The following CFAP221 variants were observed in gnomAD, a reference collection of about 807,000 sequenced individuals.
CFAP221 encodes cilia- and flagella-associated protein 221.
Under a neutral mutation model 113.1 loss-of-function variants are expected in CFAP221, and 97 were observed. The observed-to-expected ratio is 0.86, with a 90% CI of 0.73 to 1.02. The LOEUF is 1.02. CFAP221 is among the 50% of genes least tolerant of loss of function. The pLI is 0.00. For synonymous variants in CFAP221, 331 were observed against 354.4 expected (o/e 0.93, Z 0.74); for missense variants, 1,025 against 1,013.4 (o/e 1.01, Z -0.16).
At chr2:119,602,993 G>A (rs995837067) in intron 8 of CFAP221, among the ~76,000 whole-genome samples, 1 of 152,088 alleles carries the variant, frequency 6.6e-6, no homozygotes, top group African/African-American at 2.4e-5. Context: ...CAAGGACTAT[G>A]TCTTAAGATC....
chr2:119,628,425 C>T (rs892864124), intron 16 of CFAP221, among the ~76,000 whole-genome samples: 2 of 151,884 alleles, frequency 1.3e-5, no homozygotes, highest in Non-Finnish European at 2.9e-5. Context: ...TGAGAGTTAA[C>T]CCTTAGGTTG....
intron 14 of CFAP221, among the ~76,000 whole-genome samples, chr2:119,620,039 G>T (rs1325346411): frequency 3.3e-5 from 5 of 152,050 alleles, no homozygotes; most frequent in Non-Finnish European, 5.9e-5. Context: ...CAAGATTAGA[G>T]AAAAAAGAAT....
downstream of CFAP221, among the ~76,000 whole-genome samples, chr2:119,658,454 A>G (rs975701882): frequency 7.2e-5 from 11 of 152,004 alleles, no homozygotes; most frequent in Non-Finnish European, 1.3e-4. Flanking sequence ...GGAATCAACC[A>G]TTTCTCCAAG....
At chr2:119,584,423 C>T (rs1301062360) in intron 6 of CFAP221, among the ~76,000 whole-genome samples, 1 of 151,906 alleles carries the variant, frequency 6.6e-6, no homozygotes, top group East Asian at 1.9e-4. Flanking sequence ...CTCATCTCTA[C>T]AAAAAATTTA....
intron 23 of CFAP221, among the ~76,000 whole-genome samples, chr2:119,653,799 T>C (rs1688270362): frequency 1.3e-5 from 2 of 152,348 alleles, no homozygotes; most frequent in South Asian, 4.1e-4. Flanking sequence ...CTGGACAACA[T>C]GGAATAGTGT....
At chr2:119,565,096 G>A (rs1480315975) in intron 6 of CFAP221, among the ~76,000 whole-genome samples, 3 of 152,066 alleles carry the variant, frequency 2.0e-5, no homozygotes, top group East Asian at 1.9e-4. Context: ...TCTTAGCCCC[G>A]TGCTCTTCCA....
intron 14 of CFAP221, among the ~76,000 whole-genome samples, chr2:119,616,839 G>A (rs1350838830): frequency 6.6e-6 from 1 of 152,186 alleles, no homozygotes; most frequent in Non-Finnish European, 1.5e-5. Flanking sequence ...TTAGTATTTA[G>A]GGATCTCCTC....
intron 23 of CFAP221, chr2:119,655,992 G>A (rs186070222): frequency 4.5e-6 from 1 of 223,364 alleles, no homozygotes; most frequent in East Asian, 1.1e-4. Context: ...TGAAAAACCA[G>A]CCAGCATTGA....
At chr2:119,647,942 G>A (rs1687912665) in intron 22 of CFAP221, among the ~76,000 whole-genome samples, 1 of 152,128 alleles carries the variant, frequency 6.6e-6, no homozygotes, top group Non-Finnish European at 1.5e-5. Context: ...TGAAGGGGTA[G>A]GCTGTGGGTT....
At chr2:119,640,549 C>A (rs1201786822) in intron 21 of CFAP221, among the ~76,000 whole-genome samples, 3 of 152,188 alleles carry the variant, frequency 2.0e-5, no homozygotes, top group African/African-American at 7.2e-5. Flanking sequence ...CCCTTGAATT[C>A]GCTTCTTCAG....
At chr2:119,657,975 G>A (rs1336093380), downstream of CFAP221, among the ~76,000 whole-genome samples, 1 of 152,172 alleles carries the variant, frequency 6.6e-6, no homozygotes. Flanking sequence ...AGTGGTGTCT[G>A]CCAAGTTTCT....
intron 3 of CFAP221, 67 bp downstream of exon 3, chr2:119,549,252 T>C: frequency 8.1e-7 from 1 of 1,238,424 alleles, no homozygotes; most frequent in Non-Finnish European, 1.1e-6. Context: ...TGAATTTATA[T>C]TATTCACTTA....
chr2:119,606,810 A>G (rs1245631450), intron 11 of CFAP221, among the ~76,000 whole-genome samples: 1 of 152,018 alleles, frequency 6.6e-6, no homozygotes, highest in Non-Finnish European at 1.5e-5. Flanking sequence ...CCAACTTTTT[A>G]TGTTGAAAGA....
chr2:119,557,730 G>A (rs974889667), intron 3 of CFAP221, among the ~76,000 whole-genome samples: 5 of 152,136 alleles, frequency 3.3e-5, no homozygotes, highest in African/African-American at 4.8e-5. Context: ...GCCAGGCACG[G>A]TGGCTTACGC....
Position 119,614,132 on chromosome 2 carries a change from C to A in CFAP221, c.1312-1479C>A, listed in dbSNP as rs566240674. ...GAGTCACCTTCATTCCAGTTCCCAACAAGTTCCTCATCTCCACCTGAGACC... is the reference window on the plus strand; with the variant it reads ...GAGTCACCTTCATTCCAGTTCCCAAAAAGTTCCTCATCTCCACCTGAGACC... On this transcript the variant is annotated intron_variant, in intron 13 of 23. Transcript: ENST00000413369. 2.0e-4 allele frequency among the ~76,000 whole-genome samples: 30 copies of A among 152,346 alleles called. 1 individual carries two copies. The highest frequency in any genetic ancestry group is 5.8e-4 in the African/African-American group (24 of 41,582).
At chr2:119,549,260 T>G (rs1283427304) in intron 3 of CFAP221, 75 bp downstream of exon 3, 7 of 1,192,420 alleles carry the variant, frequency 5.9e-6, no homozygotes, top group Non-Finnish European at 8.2e-6. Flanking sequence ...TATTATTCAC[T>G]TATCTAAAGC....
At chr2:119,598,003 G>A (rs145549316) in intron 7 of CFAP221, among the ~76,000 whole-genome samples, 3,399 of 152,258 alleles carry the variant, frequency 0.022, 64 homozygotes, top group Non-Finnish European at 0.038. Context: ...GGAGGTCAGC[G>A]TGAATCGGCC....
At chr2:119,656,035 CTG>C (rs1688413736) in intron 23 of CFAP221, 1 of 299,496 alleles carries the variant, frequency 3.3e-6, no homozygotes, top group Admixed American at 4.4e-5. Flanking sequence ...ACCAGGATCT[CTG>C]TGAATAAGAT....
At chr2:119,598,209 A>AT (rs1179298105) in intron 7 of CFAP221, among the ~76,000 whole-genome samples, 1 of 152,092 alleles carries the variant, frequency 6.6e-6, no homozygotes, top group Non-Finnish European at 1.5e-5. Context: ...GAAAGAAGAA[A>AT]TTTTTTTTAA....
Sources: gnomAD v4.1 joint callset for allele counts (sites outside exome capture counted in the v4.1 genomes callset) on GRCh38, gnomAD v4.1.1 for gene constraint, MANE v1.5 for transcripts, NCBI Gene and HGNC (gene_info 2026-07-23, HGNC 2026-07-21) for gene names.